FAM120A: variants seen among roughly 807,000 people sequenced by gnomAD.
FAM120A encodes constitutive coactivator of PPAR-gamma-like protein 1.
Under a neutral mutation model 109.7 loss-of-function variants are expected in FAM120A, and 15 were observed. That is an observed-to-expected ratio of 0.14 (90% CI 0.09 to 0.21). FAM120A has a LOEUF of 0.21. FAM120A is among the 10% of genes least tolerant of loss of function. The pLI, the probability that FAM120A is intolerant of heterozygous loss-of-function variation, is 1.00. For missense variants in FAM120A, 899 were observed against 1,439.3 expected (o/e 0.62, Z 6.07); for synonymous variants, 493 against 572.8 (o/e 0.86, Z 1.99).
In FAM120A at chr9:93,500,501, TCAC is replaced by T. The variant is rs1024470124; in HGVS notation, c.1030+1626_1030+1628del. ...CTGCACACTCCTTGGCTTCTATTTG[TCAC>T]CACCACCACCCCTTCCCCCGTCACT... is the stretch of plus-strand genomic sequence containing the variant. On this transcript the variant is annotated intron_variant, in intron 5 of 17. Transcript: ENST00000277165. This position sits in a 1 kb window ranked among gnomAD's most constrained non-coding sequence, Gnocchi z 4.6. Among the ~76,000 whole-genome samples, 10 of 152,306 alleles carry T rather than the reference TCAC, an allele frequency of 6.6e-5. No homozygotes were observed. The highest frequency in any genetic ancestry group is 1.9e-4 in the East Asian group (1 of 5,184).
In FAM120A at chr9:93,476,162, T is replaced by C. The variant is rs534692780; in HGVS notation, c.722-94T>C. On this transcript the variant is annotated intron_variant, in intron 2 of 17. Transcript: ENST00000277165. ...TTTGTTCTCAGTTTCTGTTTGAAAG[T>C]TTTCTACTATAGGTGACAATATGCA... The C allele has an allele frequency of 6.7e-6, 5 of 751,850 alleles. No individual in the cohort carries two copies. In the East Asian group the frequency reaches 1.1e-4, roughly 16 times the overall value. 46.6% of individuals were successfully genotyped at this position (751,850 alleles called of 1,614,324 possible).
At chr9:93,534,897 A>G (rs1487850975) in intron 10 of FAM120A, among the ~76,000 whole-genome samples, 2 of 152,202 alleles carry the variant, frequency 1.3e-5, no homozygotes, top group Non-Finnish European at 2.9e-5. Flanking sequence ...AAAGGGAGTC[A>G]ACTAGCACTG....
intron 3 of FAM120A, among the ~76,000 whole-genome samples, chr9:93,479,770 A>G (rs532343936): frequency 6.6e-6 from 1 of 152,136 alleles, no homozygotes; most frequent in Non-Finnish European, 1.5e-5. Context: ...TACCAATTTC[A>G]CTACATGCAT....
chr9:93,560,138 T>C (rs1415234041), intron 15 of FAM120A, among the ~76,000 whole-genome samples: 1 of 151,912 alleles, frequency 6.6e-6, no homozygotes, highest in Non-Finnish European at 1.5e-5. Flanking sequence ...TACAAAAAAT[T>C]TTAAAAATTA....
rs372696466 is a variant in FAM120A at position 93,532,214 on chromosome 9, C to T, written c.1794C>T (p.Ala598=). 2.2e-5 allele frequency: 36 copies of T among 1,614,230 alleles called. No individual in the cohort carries two copies. The highest frequency in any genetic ancestry group is 1.1e-4 in the African/African-American group (8 of 75,072). Residue 598 remains alanine (A), a synonymous_variant, in exon 10 of 18, where the codon GCC becomes GCT. Coordinates refer to ENST00000277165, the MANE Select transcript of FAM120A (RefSeq NM_014612.5). The surrounding 1 kb of genome is among the most constrained non-coding windows in gnomAD (Gnocchi z 4.3). ...AAGCCAACAAGGACCTGCCTCCGGC[C>T]GCTCTGCTCTATAGGCCAGTTCGTC... The part of the protein sequence containing the change: ...EDEANKDLPP[A]ALLYRPVRQY...
At chr9:93,504,771 G>A (rs1254606872) in intron 5 of FAM120A, among the ~76,000 whole-genome samples, 1 of 152,158 alleles carries the variant, frequency 6.6e-6, no homozygotes, top group Non-Finnish European at 1.5e-5. Context: ...GTGACCTGAT[G>A]TGCCCAGGAG....
rs1469944248 is a variant in FAM120A, at chr9:93,498,185, G to C, written c.933+586G>C. Among the ~76,000 whole-genome samples, 1 of 152,174 alleles carries C rather than the reference G, an allele frequency of 6.6e-6. No individual in the cohort carries two copies. The highest frequency in any genetic ancestry group is 1.5e-5 in the Non-Finnish European group (1 of 68,030). The stretch of plus-strand genomic sequence containing the variant: ...CGAGGCGGGCGGATCACGAGGTCAG[G>C]AGTTTGAGACTAGCCTGGCCAACAT... On this transcript the variant is annotated intron_variant, in intron 4 of 17. Transcript: ENST00000277165. The surrounding 1 kb of genome is among the most constrained non-coding windows in gnomAD (Gnocchi z 4.4).
At chr9:93,506,225 A>G (rs1860048312) in intron 5 of FAM120A, among the ~76,000 whole-genome samples, 1 of 152,242 alleles carries the variant, frequency 6.6e-6, no homozygotes, top group Non-Finnish European at 1.5e-5. Flanking sequence ...GAATTACACC[A>G]ACTCTGTAGA....
At chr9:93,536,786 A>G (rs774912828) in intron 10 of FAM120A, among the ~76,000 whole-genome samples, 1 of 152,214 alleles carries the variant, frequency 6.6e-6, no homozygotes, top group Non-Finnish European at 1.5e-5. Context: ...AAAAGAAAAA[A>G]AATTCTTTTG....
rs1859762107 is a variant in FAM120A, at chr9:93,500,663, G to A, written c.1030+1777G>A. On this transcript the variant is annotated intron_variant, in intron 5 of 17. Coordinates refer to ENST00000277165, the MANE Select transcript of FAM120A (RefSeq NM_014612.5). The surrounding 1 kb of genome is among the most constrained non-coding windows in gnomAD (Gnocchi z 4.6). ...TCAAGAGAGTGAAGTGGTGAGATGT[G>A]TTTTAGGATTATTTTTGGAAAAGGG... Among the ~76,000 whole-genome samples, 1 of 152,196 alleles carries A rather than the reference G, an allele frequency of 6.6e-6. No homozygotes were observed.
intron 1 of FAM120A, among the ~76,000 whole-genome samples, chr9:93,459,552 C>T (rs1373991486): frequency 1.3e-5 from 2 of 152,130 alleles, no homozygotes; most frequent in Non-Finnish European, 2.9e-5. Flanking sequence ...AGGAAGGAAA[C>T]CTTCAGGGAG....
At chr9:93,470,913 G>A (rs1460785518) in intron 1 of FAM120A, among the ~76,000 whole-genome samples, 1 of 152,142 alleles carries the variant, frequency 6.6e-6, no homozygotes, top group Non-Finnish European at 1.5e-5. Flanking sequence ...CAGTCTAGAT[G>A]GGATCATAAG....
intron 2 of FAM120A, among the ~76,000 whole-genome samples, chr9:93,472,361 T>C (rs898556759): frequency 6.6e-5 from 10 of 152,260 alleles, no homozygotes; most frequent in Admixed American, 5.2e-4. Context: ...CCCTTTCTTA[T>C]GCTTTCATTG....
rs1862575460 is a variant in FAM120A at position 93,564,452 on chromosome 9, C to G, written c.3269C>G (p.Thr1090Arg). The change falls in exon 18 of 18, where the codon ACA becomes AGA. Residue 1090 changes from threonine (T) to arginine (R), a missense_variant. Physicochemically the swap from Thr to Arg is moderately conservative, Grantham distance 71. Transcript: ENST00000277165. The part of the protein sequence containing the change: ...ALNNDSKTCN[T>R]NPHLNALSTD... The stretch of plus-strand genomic sequence containing the variant: ...AATAATGACTCTAAAACGTGCAATA[C>G]AAATCCTCATTTAAATGCACTAAGT... 1.2e-6 allele frequency: 2 copies of G among 1,614,200 alleles called. No homozygotes were observed. Among genetic ancestry groups the G allele is most frequent in the Non-Finnish European group, 1.7e-6 (2 of 1,180,026 alleles).
chr9:93,472,681 A>T (rs556830249), intron 2 of FAM120A, among the ~76,000 whole-genome samples: 60 of 152,364 alleles, frequency 3.9e-4, no homozygotes, highest in South Asian at 3.5e-3. Flanking sequence ...AGATTTTTAT[A>T]AACATTCCAA....
chr9:93,564,590 A>T lies in FAM120A; in HGVS notation c.*50A>T. On this transcript the variant is annotated 3_prime_UTR_variant, in exon 18 of 18. Coordinates refer to ENST00000277165, the MANE Select transcript of FAM120A (RefSeq NM_014612.5). ...GATGCTGGAAGGGTAAGGATTTAGG[A>T]ATATCTGGAGAGAAAGAGAGCCTGC... The T allele has an allele frequency of 6.8e-7, 1 of 1,470,254 alleles. No individual in the cohort carries two copies. Among genetic ancestry groups the T allele is most frequent in the Non-Finnish European group, 9.3e-7 (1 of 1,078,244 alleles). The allele number at this position is 1,470,254 out of a possible 1,614,324, so 91.1% of individuals were successfully genotyped here.
intron 10 of FAM120A, 143 bp from the exon 11 acceptor site, chr9:93,543,079 T>A (rs1464442216): frequency 2.4e-5 from 23 of 971,386 alleles, no homozygotes; most frequent in Non-Finnish European, 3.5e-5. Flanking sequence ...GACTTGATGA[T>A]TGGTAGTTTT....
chr9:93,480,285 A>C (rs529076905), intron 3 of FAM120A, among the ~76,000 whole-genome samples: 5 of 152,338 alleles, frequency 3.3e-5, no homozygotes, highest in African/African-American at 1.2e-4. Flanking sequence ...ATAGCTTCTA[A>C]GATGTGGTCA....
At chr9:93,453,467 G>C (rs986455535) in intron 1 of FAM120A, 3 of 985,210 alleles carry the variant, frequency 3.0e-6, no homozygotes, top group African/African-American at 3.5e-5. Flanking sequence ...CTTGACACTC[G>C]GTCTTCCATC....
Sources: allele counts gnomAD v4.1 joint callset (sites outside exome capture counted in the v4.1 genomes callset), GRCh38; gene constraint gnomAD v4.1.1; non-coding constraint Gnocchi (gnomAD v3.1); transcripts MANE v1.5; gene names NCBI Gene and HGNC (gene_info 2026-07-23, HGNC 2026-07-21).